Variants in DOCK8 observed in about 807,000 individuals in gnomAD.
DOCK8 encodes dedicator of cytokinesis 8.
DOCK8 carries 141 observed loss-of-function variants against 245.6 expected under a neutral mutation model. The ratio of observed to expected loss-of-function variants is 0.57; its 90% CI spans 0.50 to 0.66. DOCK8 has a LOEUF of 0.66. Among genes scored for constraint, DOCK8 ranks in the 30% least tolerant of loss-of-function variants. The probability of loss-of-function intolerance (pLI) is 0.00; values close to 1 mark genes in which losing one functional copy is unlikely to be tolerated. For missense variants in DOCK8, 2,965 were observed against 2,603.4 expected, an observed-to-expected ratio of 1.14 and a Z score of -3.02; for synonymous variants, 1,168 against 970.2, an observed-to-expected ratio of 1.20 and a Z score of -3.79.
At chr9:312,587 G>A (rs1563910946) in intron 6 of DOCK8, 2 of 367,674 alleles carry the variant, frequency 5.4e-6, no homozygotes, top group African/African-American at 2.1e-5. Context: ...CTTTTTAATG[G>A]TCTCTATGAG....
chr9:254,734 C>T (rs529393554), intron 1 of DOCK8, among the ~76,000 whole-genome samples: 28 of 152,314 alleles, frequency 1.8e-4, no homozygotes, highest in Admixed American at 3.3e-4. Flanking sequence ...GTATGCATCA[C>T]GACTTGAGAT....
intron 25 of DOCK8, among the ~76,000 whole-genome samples, 165 bp from the exon 26 acceptor site, chr9:398,981 G>T (rs1439711137): frequency 6.6e-6 from 1 of 152,164 alleles, no homozygotes; most frequent in Admixed American, 6.5e-5. Context: ...CAACCTCACA[G>T]TCATGGCTTT....
chr9:456,983 A>G (rs995958615), intron 46 of DOCK8: 1 of 151,646 alleles, frequency 6.6e-6, no homozygotes, highest in Non-Finnish European at 1.5e-5. Context: ...TCTGCAGCAT[A>G]TATGTGGTCA....
chr9:382,914 G>A (rs2053782573), intron 22 of DOCK8, among the ~76,000 whole-genome samples: 1 of 152,076 alleles, frequency 6.6e-6, no homozygotes, highest in South Asian at 2.1e-4. Flanking sequence ...CTTAGCTTGG[G>A]TAGCAAAGTT....
chr9:221,339 C>A (rs1177532773), intron 1 of DOCK8, among the ~76,000 whole-genome samples: 2 of 152,108 alleles, frequency 1.3e-5, no homozygotes, highest in East Asian at 3.9e-4. Context: ...GTGGGCACAT[C>A]CCTGGATTCA....
chr9:325,505 A>G (rs528391463), intron 7 of DOCK8, among the ~76,000 whole-genome samples, 166 bp from the exon 8 acceptor site: 29 of 152,210 alleles, frequency 1.9e-4, no homozygotes, highest in Non-Finnish European at 3.7e-4. Context: ...CAAACCTCCT[A>G]TATTTCTCTA....
At chr9:428,600 A>T in intron 35 of DOCK8, 104 bp downstream of exon 35, 1 of 1,422,172 alleles carries the variant, frequency 7.0e-7, no homozygotes, top group South Asian at 1.2e-5. Flanking sequence ...GAGCATATTA[A>T]GTGGCATCAC....
At chr9:353,263 G>A (rs895830068) in intron 14 of DOCK8, among the ~76,000 whole-genome samples, 7 of 110,942 alleles carry the variant, frequency 6.3e-5, no homozygotes, top group Non-Finnish European at 1.2e-4. Flanking sequence ...GCAAGGATAT[G>A]TTTATAGAGG....
chr9:259,128 A>G (rs2047855069), intron 1 of DOCK8, among the ~76,000 whole-genome samples: 1 of 152,116 alleles, frequency 6.6e-6, no homozygotes, highest in South Asian at 2.1e-4. Flanking sequence ...GCAACATAGC[A>G]TGACCCATCT....
intron 25 of DOCK8, 90 bp from the exon 26 acceptor site, chr9:399,056 A>G: frequency 1.7e-6 from 2 of 1,183,374 alleles, no homozygotes; most frequent in Non-Finnish European, 2.5e-6. Flanking sequence ...AAATAATAGG[A>G]CCTGTCTCTC....
chr9:266,401 C>T (rs1421749065), intron 1 of DOCK8, among the ~76,000 whole-genome samples: 1 of 142,324 alleles, frequency 7.0e-6, no homozygotes, highest in East Asian at 2.3e-4. Flanking sequence ...ATGAACCAAC[C>T]ATTCCTTCAC....
intron 1 of DOCK8, among the ~76,000 whole-genome samples, chr9:252,504 T>A (rs1027542031): frequency 5.9e-5 from 9 of 152,034 alleles, no homozygotes; most frequent in Non-Finnish European, 1.3e-4. Context: ...ATTTATTTTT[T>A]AAAAAATTCC....
intron 24 of DOCK8, 94 bp downstream of exon 24, chr9:390,660 C>A: frequency 8.3e-7 from 1 of 1,199,628 alleles, no homozygotes; most frequent in Non-Finnish European, 1.2e-6. Context: ...GTTGCCCCTG[C>A]TGAAAACCTG....
At chr9:247,536 T>TTTTG (rs1023143871) in intron 1 of DOCK8, among the ~76,000 whole-genome samples, 5 of 152,140 alleles carry the variant, frequency 3.3e-5, no homozygotes, top group East Asian at 1.9e-4. Flanking sequence ...CATTATTCTT[T>TTTTG]TTTGTTTGTT....
chr9:378,909 A>G (rs1477581994), intron 20 of DOCK8, among the ~76,000 whole-genome samples: 1 of 152,188 alleles, frequency 6.6e-6, no homozygotes, highest in East Asian at 1.9e-4. Flanking sequence ...ACCACCAGAC[A>G]TGGCTGGAGA....
chr9:404,900 T>C lies in DOCK8; in HGVS notation c.3235-18T>C. ...CTTGTAATAAATGTTTCATTCCTCTTTTCATTTTTCTTCCCAGCTGTCAGC... is the reference window on the plus strand; with the variant it reads ...CTTGTAATAAATGTTTCATTCCTCTCTTCATTTTTCTTCCCAGCTGTCAGC... On this transcript the variant is annotated intron_variant, in intron 26 of 47. Coordinates refer to ENST00000432829, the MANE Select transcript of DOCK8 (RefSeq NM_203447.4). 1.2e-6 allele frequency: 2 copies of C among 1,613,890 alleles called. No individual in the cohort carries two copies. The highest frequency in any genetic ancestry group is 2.2e-5 in the East Asian group (1 of 44,860).
intron 1 of DOCK8, among the ~76,000 whole-genome samples, chr9:231,577 T>C (rs1270090792): frequency 6.6e-6 from 1 of 152,182 alleles, no homozygotes; most frequent in African/African-American, 2.4e-5. Context: ...TTTATTTCAT[T>C]GAGCAGTGGT....
chr9:464,484 T>G lies in DOCK8; in HGVS notation c.*265T>G. ...TTTATTAAAGTGTGTTTTTCCACAA[T>G]GTACCAAACAAGGCATAAGCAGCTT... On this transcript the variant is annotated 3_prime_UTR_variant, in exon 48 of 48. Coordinates refer to ENST00000432829, the MANE Select transcript of DOCK8 (RefSeq NM_203447.4). 1.8e-6 allele frequency: 1 copy of G among 550,124 alleles called. No homozygotes were observed. Among genetic ancestry groups the G allele is most frequent in the Non-Finnish European group, 3.3e-6 (1 of 305,490 alleles). 34.1% of individuals were successfully genotyped at this position (550,124 alleles called of 1,614,324 possible).
chr9:436,624 C>T (rs1166532742), intron 39 of DOCK8, among the ~76,000 whole-genome samples: 4 of 151,886 alleles, frequency 2.6e-5, no homozygotes, highest in Non-Finnish European at 4.4e-5. Context: ...CTAATTTTAC[C>T]TAGAATTCAG....
Sources: allele counts gnomAD v4.1 joint callset (sites outside exome capture counted in the v4.1 genomes callset), GRCh38; gene constraint gnomAD v4.1.1; transcripts MANE v1.5; gene names NCBI Gene and HGNC (gene_info 2026-07-23, HGNC 2026-07-21).